Variants in CRYBB3 observed in about 807,000 individuals in gnomAD.
CRYBB3 encodes beta-crystallin B3.
Under a neutral mutation model 28.3 loss-of-function variants are expected in CRYBB3, and 35 were observed. That is an observed-to-expected ratio of 1.24 (90% CI 0.95 to 1.64). The LOEUF (loss-of-function observed/expected upper bound fraction) is 1.64. CRYBB3 is among the 40% of genes most tolerant of loss of function. The pLI, the probability that CRYBB3 is intolerant of heterozygous loss-of-function variation, is 0.00. For missense variants in CRYBB3, 296 were observed against 297.4 expected, an observed-to-expected ratio of 1.00 and a Z score of 0.04; for synonymous variants, 106 against 110.4, an observed-to-expected ratio of 0.96 and a Z score of 0.25.
intron 5 of CRYBB3, 81 bp from the exon 6 acceptor site, chr22:25,206,966 C>A: frequency 9.8e-7 from 1 of 1,025,178 alleles, no homozygotes; most frequent in African/African-American, 1.6e-5. Context: ...TGTAGGCAGG[C>A]AGAGTGCATG....
chr22:25,204,267 G>C (rs1032502445), intron 4 of CRYBB3, among the ~76,000 whole-genome samples: 2 of 152,178 alleles, frequency 1.3e-5, no homozygotes, highest in African/African-American at 4.8e-5. Context: ...TTCTCCACTT[G>C]TGTTTTTCTA....
intron 5 of CRYBB3, among the ~76,000 whole-genome samples, chr22:25,206,064 A>T (rs955619217): frequency 1.3e-5 from 2 of 152,152 alleles, no homozygotes; most frequent in South Asian, 4.1e-4. Context: ...ATCACCGTTG[A>T]TGCAGTCTTA....
Position 25,207,221 on chromosome 22 carries a change from C to G in CRYBB3, c.*9C>G, listed in dbSNP as rs1450075501. 3.7e-6 allele frequency: 6 copies of G among 1,610,918 alleles called. No homozygotes were observed. The highest frequency in any genetic ancestry group is 5.1e-6 in the Non-Finnish European group (6 of 1,178,966). ...GCTTCCCCAGCAGCTGAAAGGCACC[C>G]AGACTTCAAGGACCCAGACCCACCC... On this transcript the variant is annotated 3_prime_UTR_variant, in exon 6 of 6. Coordinates refer to ENST00000215855, the MANE Select transcript of CRYBB3 (RefSeq NM_004076.5).
At chr22:25,205,520 C>T (rs934064790) in intron 5 of CRYBB3, among the ~76,000 whole-genome samples, 158 bp downstream of exon 5, 3 of 152,082 alleles carry the variant, frequency 2.0e-5, no homozygotes, top group East Asian at 1.9e-4. Context: ...AGTGCAGTGG[C>T]GCGATCTCAG....
intron 3 of CRYBB3, 131 bp downstream of exon 3, chr22:25,202,923 C>T (rs1206003478): frequency 1.2e-5 from 18 of 1,504,016 alleles, no homozygotes; most frequent in Admixed American, 4.0e-5. Flanking sequence ...TCGTTTTCCG[C>T]ATCTGTAAAA....
Position 25,207,063 on chromosome 22 carries a change from T to A in CRYBB3, c.487T>A (p.Phe163Ile). The change falls in exon 6 of 6, where the codon TTC (phenylalanine) becomes ATC (isoleucine). Residue 163 changes from phenylalanine to isoleucine, a missense_variant. Physicochemically the swap from Phe to Ile is conservative, Grantham distance 21 (BLOSUM62 0). Coordinates refer to ENST00000215855, the MANE Select transcript of CRYBB3 (RefSeq NM_004076.5). ...TCCCGGCAGGTGGGTTGGCTATGAG[T>A]TCCCCGGCTACCGTGGGCGCCAGTA... ...AINGTWVGYE[F>I]PGYRGRQYVF... The A allele has an allele frequency of 6.2e-7, 1 of 1,613,320 alleles. No homozygotes were observed. Among genetic ancestry groups the A allele is most frequent in the Non-Finnish European group, 8.5e-7 (1 of 1,179,620 alleles).
intron 4 of CRYBB3, among the ~76,000 whole-genome samples, chr22:25,204,240 A>G (rs1934994813): frequency 6.6e-6 from 1 of 152,248 alleles, no homozygotes; most frequent in African/African-American, 2.4e-5. Flanking sequence ...TTCAGAAAGT[A>G]GCCAAAATAC....
intron 5 of CRYBB3, 96 bp downstream of exon 5, chr22:25,205,458 T>G (rs756965643): frequency 4.7e-5 from 63 of 1,327,776 alleles, no homozygotes; most frequent in Non-Finnish European, 5.7e-5. Flanking sequence ...ATTATTTTAT[T>G]TATTTATTTA....
At chr22:25,202,614 G>T (rs924191898) in intron 2 of CRYBB3, 60 bp from the exon 3 acceptor site, 43 of 1,610,402 alleles carry the variant, frequency 2.7e-5, no homozygotes, top group Admixed American at 1.5e-4. Flanking sequence ...CCAAAGGAGG[G>T]GCAGAGGCTG....
Position 25,207,301 on chromosome 22 carries a change from C to A in CRYBB3, c.*89C>A. On this transcript the variant is annotated 3_prime_UTR_variant, in exon 6 of 6. Transcript: ENST00000215855. ...CTCCAGGGTTGGGGCGAGGGCCGACCTGTCCACCCTTCCCTGGAATCTGCT... is the reference window on the plus strand; with the variant it reads ...CTCCAGGGTTGGGGCGAGGGCCGACATGTCCACCCTTCCCTGGAATCTGCT... 11 of 1,152,234 alleles carry A rather than the reference C, an allele frequency of 9.5e-6. No individual in the cohort carries two copies. The highest frequency in any genetic ancestry group is 1.3e-5 in the Non-Finnish European group (11 of 818,248). The allele number at this position is 1,152,234 out of a possible 1,614,324, so 71.4% of individuals were successfully genotyped here.
intron 1 of CRYBB3, among the ~76,000 whole-genome samples, chr22:25,200,903 T>C (rs2001159): frequency 0.49 from 74,598 of 151,954 alleles, 19,381 homozygotes; most frequent in African/African-American, 0.65. Flanking sequence ...GGAATATTTG[T>C]TGAATAAAGT....
At chr22:25,204,384 TTC>T (rs747890269) in intron 4 of CRYBB3, among the ~76,000 whole-genome samples, 5 of 152,024 alleles carry the variant, frequency 3.3e-5, no homozygotes, top group South Asian at 4.2e-4. Context: ...AGTGCAGTCT[TTC>T]TCTCTCTCTC....
At chr22:25,203,738 C>A (rs1214618093) in intron 3 of CRYBB3, 25 bp from the exon 4 acceptor site, 1 of 1,613,920 alleles carries the variant, frequency 6.2e-7, no homozygotes, top group Non-Finnish European at 8.5e-7. Flanking sequence ...CAAAGGTGAC[C>A]CAGCCAAGCC....
chr22:25,201,536 C>T, intron 2 of CRYBB3, 65 bp downstream of exon 2: 2 of 1,593,062 alleles, frequency 1.3e-6, no homozygotes, highest in Admixed American at 3.4e-5. Flanking sequence ...ATCTTCCCAG[C>T]CAAGCAGCAC....
intron 2 of CRYBB3, among the ~76,000 whole-genome samples, 192 bp downstream of exon 2, chr22:25,201,663 T>G (rs1248052327): frequency 6.6e-6 from 1 of 152,184 alleles, no homozygotes; most frequent in African/African-American, 2.4e-5. Context: ...TTGCTGCATC[T>G]TCCCTCGTCT....
In CRYBB3 at chr22:25,202,681, T is replaced by G; in HGVS notation, c.83T>G (p.Leu28Trp). ...GDLGGSYKVILYELENFQGKR... is the reference protein window; with the variant it reads ...GDLGGSYKVIWYELENFQGKR... Reference sequence around the variant, plus strand: ...AGGACTCTGCTCTTCTAGGTGATCTTGTACGAACTAGAGAACTTCCAAGGC... The same window carrying G: ...AGGACTCTGCTCTTCTAGGTGATCTGGTACGAACTAGAGAACTTCCAAGGC... Residue 28 changes from leucine (L) to tryptophan (W), a missense_variant, in exon 3 of 6, where the codon TTG (leucine) becomes TGG (tryptophan). Coordinates refer to ENST00000215855, the MANE Select transcript of CRYBB3 (RefSeq NM_004076.5). 1 of 1,613,932 alleles carries G rather than the reference T, an allele frequency of 6.2e-7. No homozygotes were observed. Among genetic ancestry groups the G allele is most frequent in the Non-Finnish European group, 8.5e-7 (1 of 1,179,924 alleles).
At chr22:25,200,631 G>A (rs1223681471) in intron 1 of CRYBB3, among the ~76,000 whole-genome samples, 2 of 152,298 alleles carry the variant, frequency 1.3e-5, no homozygotes, top group South Asian at 2.1e-4. Flanking sequence ...CTGCGGCAGG[G>A]GCCTGTATTG....
chr22:25,201,524 T>C, intron 2 of CRYBB3, 53 bp downstream of exon 2: 1 of 1,599,936 alleles, frequency 6.3e-7, no homozygotes, highest in Non-Finnish European at 8.5e-7. Flanking sequence ...GGCCTCAGGG[T>C]CATCTTCCCA....
At position 25,203,788 on chromosome 22, in the gene CRYBB3, T is replaced by C. The variant is rs775185175; in HGVS notation, c.220T>C (p.Phe74Leu). The C allele has an allele frequency of 1.5e-5, 25 of 1,614,208 alleles. No homozygotes were observed. Among genetic ancestry groups the C allele is most frequent in the Middle Eastern group, 1.6e-4 (1 of 6,062 alleles). ...GPWLAFESRA[F>L]RGEQFVLEKG... Reference sequence around the variant, plus strand: ...GTGGCTGGCATTTGAGTCCAGGGCCTTCCGCGGGGAGCAGTTTGTTCTGGA... The same window carrying C: ...GTGGCTGGCATTTGAGTCCAGGGCCCTCCGCGGGGAGCAGTTTGTTCTGGA... Residue 74 changes from phenylalanine (F) to leucine (L), a missense_variant, in exon 4 of 6, where the codon TTC (phenylalanine) becomes CTC (leucine). Physicochemically the swap from Phe to Leu is conservative, Grantham distance 22 (BLOSUM62 0). Transcript: ENST00000215855.
Sources: allele counts gnomAD v4.1 joint callset (sites outside exome capture counted in the v4.1 genomes callset), GRCh38; gene constraint gnomAD v4.1.1; transcripts MANE v1.5; gene names NCBI Gene and HGNC (gene_info 2026-07-23, HGNC 2026-07-21).